Variants in ZFP64 observed in about 807,000 individuals in gnomAD.
The protein encoded by ZFP64 is zinc finger protein 64.
In ZFP64, 14 loss-of-function variants were observed where a neutral mutation model predicts 51.6. That is an observed-to-expected ratio of 0.27 (90% CI 0.18 to 0.42). The LOEUF (loss-of-function observed/expected upper bound fraction) is 0.42, where lower values mean the gene tolerates loss of function less well. ZFP64 is among the 10% of genes least tolerant of loss of function. The pLI is 1.00. For missense variants in ZFP64, 754 were observed against 906.8 expected, an observed-to-expected ratio of 0.83 and a Z score of 2.16; for synonymous variants, 375 against 361.4, an observed-to-expected ratio of 1.04 and a Z score of -0.43.
intron 2 of ZFP64, among the ~76,000 whole-genome samples, chr20:52,174,813 G>A (rs1438085628): frequency 2.0e-5 from 3 of 152,160 alleles, no homozygotes; most frequent in Admixed American, 2.0e-4. Context: ...TGGTACAGAT[G>A]TTTTATTACT....
At chr20:52,162,338 T>C (rs535457620) in intron 4 of ZFP64, among the ~76,000 whole-genome samples, 46 of 148,882 alleles carry the variant, frequency 3.1e-4, no homozygotes, top group African/African-American at 1.1e-3. Context: ...TATTAAACAT[T>C]TTAGTAGGCT....
In ZFP64 at chr20:52,160,450, AC is replaced by A; in HGVS notation, c.512-77del. On this transcript the variant is annotated intron_variant, in intron 4 of 5. Transcript: ENST00000216923. This position sits in a 1 kb window ranked among gnomAD's most constrained non-coding sequence, Gnocchi z 4.2. ...GAAAAGGCTTATTTCCCACTGCCTT[AC>A]GAAAAAAGTCATATACAACCACCGA... is the stretch of plus-strand genomic sequence containing the variant. 6.6e-7 allele frequency: 1 copy of A among 1,516,200 alleles called. No homozygotes were observed. The highest frequency in any genetic ancestry group is 8.8e-7 in the Non-Finnish European group (1 of 1,137,216). 93.9% of individuals were successfully genotyped at this position (1,516,200 alleles called of 1,614,324 possible).
intron 5 of ZFP64, among the ~76,000 whole-genome samples, chr20:52,118,501 GGAGT>G (rs1480447891): frequency 6.6e-6 from 1 of 152,152 alleles, no homozygotes; most frequent in Admixed American, 6.5e-5. Flanking sequence ...CTTTGTGGCA[GGAGT>G]GAAATCACAC....
chr20:52,098,355 G>A, intron 6 of ZFP64: 4 of 1,557,062 alleles, frequency 2.6e-6, no homozygotes, highest in South Asian at 2.3e-5. Context: ...AGTAACATGA[G>A]CAGGCAGCTC....
chr20:52,112,907 G>A (rs113562587), intron 5 of ZFP64, among the ~76,000 whole-genome samples: 5,443 of 149,916 alleles, frequency 0.036, 352 homozygotes, highest in African/African-American at 0.13. Flanking sequence ...ATGAGCCACC[G>A]TGCCTGGCTG....
chr20:52,165,631 G>A, intron 3 of ZFP64: 1 of 695,304 alleles, frequency 1.4e-6, no homozygotes, highest in South Asian at 1.5e-5. Flanking sequence ...ATTTTCACGA[G>A]TTCCACTTCA....
At chr20:52,104,935 G>T in intron 5 of ZFP64, 1 of 688,562 alleles carries the variant, frequency 1.5e-6, no homozygotes, top group East Asian at 2.7e-5. Context: ...GGCGGGGAAG[G>T]GGACGGTGGA....
chr20:52,155,916 C>T (rs1270454969), intron 5 of ZFP64, among the ~76,000 whole-genome samples: 6 of 152,118 alleles, frequency 3.9e-5, no homozygotes, highest in Admixed American at 2.0e-4. Context: ...AAACAAAATC[C>T]TATTAATTTA....
At chr20:52,156,500 G>A (rs1013046828) in intron 5 of ZFP64, among the ~76,000 whole-genome samples, 4 of 152,204 alleles carry the variant, frequency 2.6e-5, no homozygotes, top group African/African-American at 9.6e-5. Context: ...AAGGCCAGTG[G>A]ACAGCCAGCC....
Position 52,151,731 on chromosome 20 carries a change from G to A in ZFP64, c.*415C>T. Reference sequence around the variant, plus strand: ...TTACAATTTATTATGGGGCCAGGGGGATTCACAACCATCCTTAAAAACATT... The same window carrying A: ...TTACAATTTATTATGGGGCCAGGGGAATTCACAACCATCCTTAAAAACATT... On this transcript the variant is annotated 3_prime_UTR_variant, in exon 6 of 6. Transcript: ENST00000216923. 9.9e-7 allele frequency: 1 copy of A among 1,010,274 alleles called. No homozygotes were observed. The highest frequency in any genetic ancestry group is 1.2e-6 in the Non-Finnish European group (1 of 844,240). The allele number at this position is 1,010,274 out of a possible 1,614,324, so 62.6% of individuals were successfully genotyped here.
At chr20:52,091,384 C>T (rs1568940990) in intron 7 of ZFP64, among the ~76,000 whole-genome samples, 1 of 151,970 alleles carries the variant, frequency 6.6e-6, no homozygotes, top group Non-Finnish European at 1.5e-5. Context: ...AAAAAAGCCA[C>T]TAAATGCTCT....
intron 1 of ZFP64, among the ~76,000 whole-genome samples, chr20:52,190,934 C>G (rs1311458364): frequency 1.3e-5 from 2 of 152,150 alleles, no homozygotes; most frequent in Non-Finnish European, 2.9e-5. Flanking sequence ...AAAATACACG[C>G]TCTCGCTCCC....
chr20:52,104,839 C>G, intron 5 of ZFP64: 1 of 639,310 alleles, frequency 1.6e-6, no homozygotes, highest in Non-Finnish European at 2.9e-6. Context: ...AAAACAGCCT[C>G]TGAGGGGTCC....
intron 5 of ZFP64, among the ~76,000 whole-genome samples, chr20:52,106,799 G>T (rs1013454766): frequency 6.6e-6 from 1 of 152,144 alleles, no homozygotes; most frequent in Non-Finnish European, 1.5e-5. Context: ...AAAGACATTT[G>T]AAAATATATA....
Position 52,186,897 on chromosome 20 carries a change from G to C in ZFP64, c.221C>G (p.Thr74Arg). The change falls in exon 2 of 6, where the codon ACA (threonine) becomes AGA (arginine). Residue 74 changes from threonine (T) to arginine (R), a missense_variant. Physicochemically the swap from Thr to Arg is moderately conservative, Grantham distance 71. Around this residue, in one of 3 missense-constraint regions of ZFP64, gnomAD observed 95 missense variants for 97.7 expected, o/e 0.97. Transcript: ENST00000216923. ...GGTCTGAGTCTGGGTGGCAGGCACT[G>C]TTTCCTCCGATACAAACTGGACCGT... ...PSTVQFVSEE[T>R]VPATQTQTTT... The C allele has an allele frequency of 6.2e-7, 1 of 1,613,996 alleles. No homozygotes were observed. Among genetic ancestry groups the C allele is most frequent in the Non-Finnish European group, 8.5e-7 (1 of 1,179,872 alleles).
intron 5 of ZFP64, among the ~76,000 whole-genome samples, chr20:52,128,228 C>T (rs945014540): frequency 6.6e-6 from 1 of 152,108 alleles, no homozygotes; most frequent in East Asian, 1.9e-4. Context: ...TGTTTGAGGC[C>T]AAGAGTTTGA....
At chr20:52,137,872 C>T (rs1387719370) in intron 5 of ZFP64, among the ~76,000 whole-genome samples, 2 of 152,006 alleles carry the variant, frequency 1.3e-5, no homozygotes, top group Non-Finnish European at 2.9e-5. Context: ...ATTTAACAAT[C>T]ATTGTTAAAT....
chr20:52,102,624 C>T (rs2079065398), intron 5 of ZFP64, among the ~76,000 whole-genome samples: 1 of 152,150 alleles, frequency 6.6e-6, no homozygotes, highest in Admixed American at 6.5e-5. Context: ...CCACAGAAGT[C>T]AAGCAAGACT....
intron 7 of ZFP64, among the ~76,000 whole-genome samples, chr20:52,095,803 GGTTGT>G (rs2078982415): frequency 1.3e-5 from 2 of 152,278 alleles, no homozygotes; most frequent in Admixed American, 1.3e-4. Context: ...TTCTTGTGAA[GGTTGT>G]GTTGTGAATT....
Sources: allele counts gnomAD v4.1 joint callset (sites outside exome capture counted in the v4.1 genomes callset), GRCh38; gene constraint gnomAD v4.1.1; regional missense constraint gnomAD v4.1.1; non-coding constraint Gnocchi (gnomAD v3.1); transcripts MANE v1.5; gene names NCBI Gene and HGNC (gene_info 2026-07-23, HGNC 2026-07-21).